The following ZFHX3 variants were observed in gnomAD, a reference collection of about 807,000 sequenced individuals.
ZFHX3 encodes zinc finger homeobox 3, also known as zinc finger homeobox protein 3.
In ZFHX3, 42 loss-of-function variants were observed where a neutral mutation model predicts 279.1. That is an observed-to-expected ratio of 0.15 (90% CI 0.12 to 0.19). The LOEUF is 0.19. ZFHX3 is among the 10% of genes least tolerant of loss of function. The pLI, the probability that ZFHX3 is intolerant of heterozygous loss-of-function variation, is 1.00. For missense variants in ZFHX3, 4,981 were observed against 4,754.0 expected, an observed-to-expected ratio of 1.05 and a Z score of -1.40; for synonymous variants, 2,293 against 1,957.8, an observed-to-expected ratio of 1.17 and a Z score of -4.52.
intron 1 of ZFHX3, among the ~76,000 whole-genome samples, chr16:73,053,761 A>T (rs757660613): frequency 3.9e-5 from 6 of 152,174 alleles, no homozygotes; most frequent in Non-Finnish European, 7.3e-5. Flanking sequence ...TTCCCCAGGC[A>T]GCCACAGGCT....
intron 4 of ZFHX3, among the ~76,000 whole-genome samples, chr16:72,841,876 T>C (rs992889775): frequency 7.5e-4 from 115 of 152,320 alleles, no homozygotes; most frequent in African/African-American, 2.5e-3. Context: ...GTAATTTAAA[T>C]TCTAGACTCA....
At chr16:72,831,576 T>C (rs1168974567) in intron 4 of ZFHX3, among the ~76,000 whole-genome samples, 1 of 152,160 alleles carries the variant, frequency 6.6e-6, no homozygotes, top group East Asian at 1.9e-4. Flanking sequence ...AGAGTAAACA[T>C]GTATAGGTGT....
intron 2 of ZFHX3, among the ~76,000 whole-genome samples, chr16:73,581,999 C>A (rs766813673): frequency 6.6e-6 from 1 of 151,776 alleles, no homozygotes; most frequent in Non-Finnish European, 1.5e-5. Flanking sequence ...TATTCAAAAT[C>A]GTGAACTGGG....
At position 72,793,758 on chromosome 16, in the gene ZFHX3, T is replaced by C. The variant is rs2035795771; in HGVS notation, c.8924A>G (p.Glu2975Gly). 3 of 1,614,056 alleles carry C rather than the reference T, an allele frequency of 1.9e-6. No individual in the cohort carries two copies. Among genetic ancestry groups the C allele is most frequent in the Non-Finnish European group, 2.5e-6 (3 of 1,180,044 alleles). Residue 2975 changes from glutamate to glycine, a missense_variant, in exon 9 of 10, where the codon GAA becomes GGA. By Grantham distance (98) the Glu-to-Gly change is moderately conservative (BLOSUM62 -2). Around this residue, in one of 7 missense-constraint regions of ZFHX3, gnomAD observed 168 missense variants for 249.1 expected, o/e 0.67. Coordinates refer to ENST00000268489, the MANE Select transcript of ZFHX3 (RefSeq NM_006885.4). The surrounding 1 kb of genome is among the most constrained non-coding windows in gnomAD (Gnocchi z 4.3). ...FNDYRTPTML[E>G]CEVLGNDIGL... ...AATGTCATTGCCCAGGACCTCACAT[T>C]CTAGCATAGTGGGTGTCCTGTAGTC...
chr16:73,715,970 T>G (rs1173823956), intron 1 of ZFHX3, among the ~76,000 whole-genome samples: 2 of 152,176 alleles, frequency 1.3e-5, no homozygotes, highest in Non-Finnish European at 2.9e-5. Flanking sequence ...AACAACCACC[T>G]GCATAAAACC....
chr16:72,813,102 T>A (rs989466702), intron 5 of ZFHX3, among the ~76,000 whole-genome samples: 10 of 152,194 alleles, frequency 6.6e-5, no homozygotes, highest in Non-Finnish European at 8.8e-5. Context: ...CATAACCTGG[T>A]CAATATCTGA....
intron 3 of ZFHX3, among the ~76,000 whole-genome samples, chr16:73,418,478 T>C (rs1268403801): frequency 6.6e-6 from 1 of 152,246 alleles, no homozygotes; most frequent in Non-Finnish European, 1.5e-5. Context: ...TTGTTCTACA[T>C]AGTGTGTATA....
At chr16:73,332,279 T>C (rs2143230457) in intron 3 of ZFHX3, among the ~76,000 whole-genome samples, 1 of 152,304 alleles carries the variant, frequency 6.6e-6, no homozygotes, top group African/African-American at 2.4e-5. Context: ...GAAAAAAATT[T>C]ATATAACGAA....
chr16:73,129,583 C>G (rs1453331538), intron 7 of ZFHX3, among the ~76,000 whole-genome samples: 2 of 151,808 alleles, frequency 1.3e-5, no homozygotes, highest in African/African-American at 4.8e-5. Context: ...ACTGATATAT[C>G]AACGTATTGA....
intron 3 of ZFHX3, among the ~76,000 whole-genome samples, chr16:73,331,134 C>A (rs187341895): frequency 6.6e-6 from 1 of 152,206 alleles, no homozygotes; most frequent in Non-Finnish European, 1.5e-5. Context: ...AGCAAACACA[C>A]CCTTCTTCAC....
intron 7 of ZFHX3, among the ~76,000 whole-genome samples, chr16:73,127,895 G>C (rs769646882): frequency 1.1e-4 from 17 of 152,118 alleles, no homozygotes; most frequent in Admixed American, 6.5e-4. Flanking sequence ...TAACTTGTTT[G>C]GCCAATGAAA....
At chr16:73,552,528 A>T (rs1273551269) in intron 2 of ZFHX3, among the ~76,000 whole-genome samples, 1 of 152,226 alleles carries the variant, frequency 6.6e-6, no homozygotes, top group African/African-American at 2.4e-5. Flanking sequence ...TAAAACAGTT[A>T]GAAACTGCAC....
intron 2 of ZFHX3, among the ~76,000 whole-genome samples, chr16:73,659,609 A>T (rs1173554317): frequency 1.3e-5 from 2 of 152,164 alleles, no homozygotes; most frequent in Admixed American, 1.3e-4. Flanking sequence ...GGCTCCCCTG[A>T]AATAGAAATA....
chr16:73,001,699 C>T (rs1045659060), intron 1 of ZFHX3, among the ~76,000 whole-genome samples: 3 of 151,778 alleles, frequency 2.0e-5, no homozygotes, highest in Non-Finnish European at 4.4e-5. Context: ...ACATGACTGT[C>T]GTCCCAGCTA....
intron 1 of ZFHX3, among the ~76,000 whole-genome samples, chr16:72,978,856 C>G (rs540811829): frequency 1.3e-5 from 2 of 152,158 alleles, no homozygotes; most frequent in Non-Finnish European, 2.9e-5. Flanking sequence ...AAGGCACTTA[C>G]CATTTATTGA....
chr16:73,313,126 G>T (rs1265062800), intron 4 of ZFHX3, among the ~76,000 whole-genome samples: 11 of 152,092 alleles, frequency 7.2e-5, no homozygotes, highest in Admixed American at 7.2e-4. Context: ...TGGTTTAAAA[G>T]TGTGTGGCAC....
chr16:73,006,334 CA>C (rs1269485592), intron 1 of ZFHX3, among the ~76,000 whole-genome samples: 1 of 152,058 alleles, frequency 6.6e-6, no homozygotes, highest in African/African-American at 2.4e-5. Flanking sequence ...AGAAAATTAC[CA>C]AATGCAGTCA....
chr16:72,849,646 G>A (rs747077556), intron 4 of ZFHX3, among the ~76,000 whole-genome samples: 6 of 152,062 alleles, frequency 3.9e-5, no homozygotes, highest in Admixed American at 1.3e-4. Flanking sequence ...ATTGATCAGC[G>A]GACTTGTTAG....
chr16:72,965,250 C>CT (rs1961779493), intron 1 of ZFHX3, among the ~76,000 whole-genome samples: 1 of 152,218 alleles, frequency 6.6e-6, no homozygotes, highest in South Asian at 2.1e-4. Context: ...CACACTCAGT[C>CT]TTTAAGCACC....
Sources: allele counts gnomAD v4.1 joint callset (sites outside exome capture counted in the v4.1 genomes callset), GRCh38; gene constraint gnomAD v4.1.1; regional missense constraint gnomAD v4.1.1; non-coding constraint Gnocchi (gnomAD v3.1); transcripts MANE v1.5; gene names NCBI Gene and HGNC (gene_info 2026-07-23, HGNC 2026-07-21).